DLC1: variants seen among roughly 807,000 people sequenced by gnomAD.
DLC1 encodes rho GTPase-activating protein 7.
In DLC1, 54 loss-of-function variants were observed where a neutral mutation model predicts 140.3. That is an observed-to-expected ratio of 0.38 (90% CI 0.31 to 0.48). The LOEUF is 0.48. Among genes scored for constraint, DLC1 ranks in the 20% least tolerant of loss-of-function variants. The probability of loss-of-function intolerance (pLI) is 0.96; values close to 1 mark genes in which losing one functional copy is unlikely to be tolerated. For synonymous variants in DLC1, 986 were observed against 728.1 expected, an observed-to-expected ratio of 1.35 and a Z score of -5.70; for missense variants, 2,536 against 1,907.0, an observed-to-expected ratio of 1.33 and a Z score of -6.14.
At chr8:13,159,313 T>C (rs1227306549) in intron 5 of DLC1, among the ~76,000 whole-genome samples, 1 of 152,120 alleles carries the variant, frequency 6.6e-6, no homozygotes, top group Non-Finnish European at 1.5e-5. Context: ...CAAGCGGGCA[T>C]TTCGTAAAAT....
At chr8:13,563,519 G>T (rs969383265) in intron 1 of DLC1, among the ~76,000 whole-genome samples, 3 of 152,104 alleles carry the variant, frequency 2.0e-5, no homozygotes, top group African/African-American at 7.2e-5. Flanking sequence ...CGAGATTCCT[G>T]GCATCTTTAA....
At chr8:13,428,198 C>T (rs1838685802) in intron 2 of DLC1, among the ~76,000 whole-genome samples, 1 of 152,080 alleles carries the variant, frequency 6.6e-6, no homozygotes, top group South Asian at 2.1e-4. Flanking sequence ...GTGCAGGTAC[C>T]TTCACTGGGT....
At chr8:13,431,473 A>T (rs1838862070) in intron 2 of DLC1, among the ~76,000 whole-genome samples, 1 of 111,816 alleles carries the variant, frequency 8.9e-6, no homozygotes, top group African/African-American at 3.5e-5. Flanking sequence ...ACAGAGCGAG[A>T]CTCCGTCTCA....
chr8:13,191,404 G>T (rs1826745831), intron 5 of DLC1, among the ~76,000 whole-genome samples: 1 of 152,204 alleles, frequency 6.6e-6, no homozygotes, highest in Non-Finnish European at 1.5e-5. Flanking sequence ...CTACTTGGGA[G>T]GCTGAGGCAG....
At chr8:13,224,718 A>G (rs1828709338) in intron 5 of DLC1, among the ~76,000 whole-genome samples, 1 of 152,188 alleles carries the variant, frequency 6.6e-6, no homozygotes, top group African/African-American at 2.4e-5. Flanking sequence ...CAGTATTAGC[A>G]CAGGACAGTG....
At chr8:13,583,560 T>G (rs56844084) in intron 1 of DLC1, among the ~76,000 whole-genome samples, 1 of 152,082 alleles carries the variant, frequency 6.6e-6, no homozygotes, top group Non-Finnish European at 1.5e-5. Context: ...AATCAACTTT[T>G]TCCAATAGGT....
chr8:13,571,594 TATTCA>T (rs1220089987), intron 1 of DLC1, among the ~76,000 whole-genome samples: 1 of 152,218 alleles, frequency 6.6e-6, no homozygotes, highest in African/African-American at 2.4e-5. Flanking sequence ...CGTGTATGTG[TATTCA>T]TTCATCTGCT....
chr8:13,107,852 G>A lies in DLC1; in HGVS notation c.1502+2890C>T, dbSNP rs1052865474. Among the ~76,000 whole-genome samples, 5 of 152,206 alleles carry A rather than the reference G, an allele frequency of 3.3e-5. No homozygotes were observed. The South Asian group carries it at 6.2e-4, about 19-fold the overall frequency. ...TGGATCAGGAGTTCAAGACCAGCCT[G>A]GCCAGTATGGTGAAACCCCATCTCT... On this transcript the variant is annotated intron_variant, in intron 7 of 17. Coordinates refer to ENST00000276297, the MANE Select transcript of DLC1 (RefSeq NM_182643.3).
intron 4 of DLC1, among the ~76,000 whole-genome samples, chr8:13,348,534 A>T (rs1834479081): frequency 6.6e-6 from 1 of 152,194 alleles, no homozygotes; most frequent in African/African-American, 2.4e-5. Flanking sequence ...GGTTGTTGCT[A>T]GAGTCCATAA....
chr8:13,571,367 A>G (rs947672774), intron 1 of DLC1, among the ~76,000 whole-genome samples: 2 of 151,968 alleles, frequency 1.3e-5, no homozygotes, highest in Admixed American at 1.3e-4. Context: ...ATAACTCCCC[A>G]TTCTCCTCTC....
chr8:13,321,336 G>A (rs1833100967), intron 4 of DLC1, among the ~76,000 whole-genome samples: 1 of 151,902 alleles, frequency 6.6e-6, no homozygotes, highest in Non-Finnish European at 1.5e-5. Flanking sequence ...TCAGGAGATG[G>A]AGACCATCCT....
chr8:13,246,058 A>G (rs1211381785), intron 5 of DLC1, among the ~76,000 whole-genome samples: 1 of 152,198 alleles, frequency 6.6e-6, no homozygotes, highest in African/African-American at 2.4e-5. Flanking sequence ...GAAGAAAAGT[A>G]TAAAACATGA....
chr8:13,187,097 G>A (rs1005115451), intron 5 of DLC1, among the ~76,000 whole-genome samples: 8 of 152,250 alleles, frequency 5.3e-5, no homozygotes, highest in South Asian at 4.1e-4. Context: ...TCAGGTGGCC[G>A]TATTTCAAAC....
At chr8:13,594,335 C>T (rs1470704713) in intron 1 of DLC1, among the ~76,000 whole-genome samples, 3 of 152,064 alleles carry the variant, frequency 2.0e-5, no homozygotes, top group African/African-American at 2.4e-5. Flanking sequence ...CAGCCTACTT[C>T]GCTCTGTATC....
intron 4 of DLC1, among the ~76,000 whole-genome samples, chr8:13,361,131 T>C (rs1294242917): frequency 6.8e-6 from 1 of 147,562 alleles, no homozygotes; most frequent in Admixed American, 6.8e-5. Flanking sequence ...GCTCAGGAGG[T>C]TGAGGTAGGA....
intron 2 of DLC1, among the ~76,000 whole-genome samples, chr8:13,488,163 T>C (rs548056446): frequency 1.3e-5 from 2 of 152,352 alleles, no homozygotes; most frequent in Middle Eastern, 3.4e-3. Context: ...TTCAAAACTA[T>C]ATAAAACAGT....
Position 13,578,187 on chromosome 8 carries a change from A to G in DLC1, c.-126+26350T>C, listed in dbSNP as rs1804913935. On this transcript the variant is annotated intron_variant, in intron 1 of 1. Coordinates refer to the DLC1 transcript ENST00000631382. Reference sequence around the variant, plus strand: ...GCACAGCTGCTGCTCCGTACCAAGGATGACCACATGGCCACCCAGGAATCA... The same window carrying G: ...GCACAGCTGCTGCTCCGTACCAAGGGTGACCACATGGCCACCCAGGAATCA... Among the ~76,000 whole-genome samples, 4 of 152,198 alleles carry G rather than the reference A, an allele frequency of 2.6e-5. No individual in the cohort carries two copies. In the South Asian group the frequency reaches 6.2e-4, roughly 24 times the overall value.
At chr8:13,335,312 C>T (rs1833774382) in intron 4 of DLC1, among the ~76,000 whole-genome samples, 1 of 152,138 alleles carries the variant, frequency 6.6e-6, no homozygotes, top group Non-Finnish European at 1.5e-5. Context: ...GACTAAAGTA[C>T]AGTAGAGTTC....
intron 5 of DLC1, among the ~76,000 whole-genome samples, chr8:13,280,574 T>C (rs1831331554): frequency 6.6e-6 from 1 of 152,222 alleles, no homozygotes; most frequent in Non-Finnish European, 1.5e-5. Flanking sequence ...GTCTGATTTA[T>C]ACATTTTATC....
Sources: gnomAD v4.1 joint callset for allele counts (sites outside exome capture counted in the v4.1 genomes callset) on GRCh38, gnomAD v4.1.1 for gene constraint, MANE v1.5 for transcripts, NCBI Gene and HGNC (gene_info 2026-07-23, HGNC 2026-07-21) for gene names.